The following STK32C variants were observed in gnomAD, a reference collection of about 807,000 sequenced individuals.
The protein encoded by STK32C is serine/threonine kinase 32C.
STK32C carries 31 observed loss-of-function variants against 56.5 expected under a neutral mutation model. That is an observed-to-expected ratio of 0.55 (90% CI 0.41 to 0.74). STK32C has a LOEUF of 0.74. Ranked by LOEUF, STK32C falls within the 30% of genes least tolerant of loss-of-function variation. The probability of loss-of-function intolerance (pLI) is 0.00; values close to 1 mark genes in which losing one functional copy is unlikely to be tolerated. For synonymous variants in STK32C, 309 were observed against 289.4 expected (o/e 1.07, Z -0.69); for missense variants, 544 against 676.9 (o/e 0.80, Z 2.18).
chr10:132,246,573 C>T (rs1221615597), intron 1 of STK32C, among the ~76,000 whole-genome samples: 2 of 152,190 alleles, frequency 1.3e-5, no homozygotes, highest in Non-Finnish European at 2.9e-5. Flanking sequence ...AGAGCCGTTC[C>T]GCAAGCCTGT....
Position 132,307,683 on chromosome 10 carries a change from C to T in STK32C, c.151G>A (p.Val51Ile), listed in dbSNP as rs1170585861. ...GQPRARDSGDVRSQPRPLFQW... is the reference protein window; with the variant it reads ...GQPRARDSGDIRSQPRPLFQW... The stretch of plus-strand genomic sequence containing the variant: ...AACAGGGGGCGCGGCTGCGAGCGGA[C>T]ATCGCCCGAGTCCCGGGCCCGGGGC... Residue 51 changes from valine to isoleucine, a missense_variant, in exon 1 of 12, where the codon GTC (valine) becomes ATC (isoleucine). Physicochemically the swap from Val to Ile is conservative, Grantham distance 29 (BLOSUM62 3). Transcript: ENST00000298630. This position sits in a 1 kb window ranked among gnomAD's most constrained non-coding sequence, Gnocchi z 4.4. The T allele has an allele frequency of 2.0e-6, 3 of 1,517,596 alleles. No homozygotes were observed. The highest frequency in any genetic ancestry group is 1.8e-6 in the Non-Finnish European group (2 of 1,133,268). 94.0% of individuals were successfully genotyped at this position (1,517,596 alleles called of 1,614,324 possible). A position where few individuals can be genotyped will look rare whatever the true frequency, so the allele number is the denominator to read the frequency against.
chr10:132,209,197 C>CA (rs1233607230), intron 10 of STK32C, 96 bp from the exon 11 acceptor site: 1 of 1,178,284 alleles, frequency 8.5e-7, no homozygotes, highest in African/African-American at 1.5e-5. Flanking sequence ...ATCGGGCCTC[C>CA]ACCTGTGGCT....
At chr10:132,232,111 C>T (rs1193755703) in intron 2 of STK32C, among the ~76,000 whole-genome samples, 1 of 152,246 alleles carries the variant, frequency 6.6e-6, no homozygotes, top group African/African-American at 2.4e-5. Flanking sequence ...CCTGCGCTCA[C>T]GCTGCGCCCT....
At chr10:132,263,258 C>T (rs532242157) in intron 1 of STK32C, among the ~76,000 whole-genome samples, 3 of 152,210 alleles carry the variant, frequency 2.0e-5, no homozygotes, top group South Asian at 2.1e-4. Flanking sequence ...ATCACACAAT[C>T]GTAAAAAAGA....
Position 132,292,798 on chromosome 10 carries a change from A to G in STK32C, c.262+14774T>C, listed in dbSNP as rs1278258450. Among the ~76,000 whole-genome samples the G allele has an allele frequency of 4.6e-5, 7 of 152,156 alleles. No individual in the cohort carries two copies. The East Asian group carries it at 5.8e-4, about 13-fold the overall frequency. ...TGACACCATCCCCTGGAGCTCTTCT[A>G]TAAGAAAGGTGTGAGGGAGGGCATC... On this transcript the variant is annotated intron_variant, in intron 1 of 11. Transcript: ENST00000298630.
intron 1 of STK32C, among the ~76,000 whole-genome samples, chr10:132,296,457 G>A (rs1451884945): frequency 2.0e-5 from 3 of 151,980 alleles, no homozygotes; most frequent in African/African-American, 7.3e-5. Flanking sequence ...CTGCTTCTGG[G>A]GAACAAGGGA....
At chr10:132,314,001 C>T (rs1027684092) in intron 1 of STK32C, among the ~76,000 whole-genome samples, 1 of 152,176 alleles carries the variant, frequency 6.6e-6, no homozygotes, top group African/African-American at 2.4e-5. Context: ...CTCTCTCCTG[C>T]CCATGTGAAG....
rs1260454760 is a variant in STK32C, at chr10:132,228,053, G to A, written c.394C>T (p.Arg132Cys). 7 of 1,613,962 alleles carry A rather than the reference G, an allele frequency of 4.3e-6. No homozygotes were observed. Among genetic ancestry groups the A allele is most frequent in the Admixed American group, 1.7e-5 (1 of 60,028 alleles). The part of the protein sequence containing the change: ...KYMNKQQCIE[R>C]DEVRNVFREL... ...CGGAAGACGTTGCGGACCTCGTCGC[G>A]CTCGATGCACTGCTGCTTGTTCATG... is the stretch of plus-strand genomic sequence containing the variant. The change falls in exon 3 of 12, where the codon CGC becomes TGC. Residue 132 changes from arginine to cysteine, a missense_variant. Transcript: ENST00000298630.
At chr10:132,279,587 C>A (rs901734769) in intron 1 of STK32C, among the ~76,000 whole-genome samples, 1 of 151,950 alleles carries the variant, frequency 6.6e-6, no homozygotes, top group African/African-American at 2.4e-5. Flanking sequence ...ATCATGCCCA[C>A]CCGCACTCCA....
chr10:132,260,979 G>A lies in STK32C; in HGVS notation c.263-15024C>T, dbSNP rs150175016. ...CCCTAGCCCACAGAGCTCTACCTCC[G>A]CTCAGTCCAGCCCCTGGGGCTGGGG... On this transcript the variant is annotated intron_variant, in intron 1 of 11. Transcript: ENST00000298630. 6.4e-4 allele frequency among the ~76,000 whole-genome samples: 97 copies of A among 152,316 alleles called. No homozygotes were observed. The East Asian group carries it at 0.014, about 22-fold the overall frequency.
At chr10:132,221,264 A>C (rs537401749) in intron 10 of STK32C, among the ~76,000 whole-genome samples, 160 of 119,882 alleles carry the variant, frequency 1.3e-3, no homozygotes, top group African/African-American at 4.8e-3. Flanking sequence ...GGCCATCCCC[A>C]CACACACAAC....
chr10:132,234,315 G>A lies in STK32C; in HGVS notation c.319-6187C>T, dbSNP rs114027405. On this transcript the variant is annotated intron_variant, in intron 2 of 11. Coordinates refer to ENST00000298630, the MANE Select transcript of STK32C (RefSeq NM_173575.4). ...CCCTTGTGTCCTCCTGACACTTCCC[G>A]ATGCATCCCCGAGTTCTGGGAGGCA... is the stretch of plus-strand genomic sequence containing the variant. Among the ~76,000 whole-genome samples, 672 of 152,276 alleles carry A rather than the reference G, an allele frequency of 4.4e-3. 3 individuals are homozygous for A. Among genetic ancestry groups the A allele is most frequent in the African/African-American group, 0.014 (597 of 41,560 alleles).
downstream of STK32C, among the ~76,000 whole-genome samples, chr10:132,321,008 G>A (rs1452765445): frequency 6.6e-6 from 1 of 152,178 alleles, no homozygotes; most frequent in Non-Finnish European, 1.5e-5. Context: ...ACCATCCTGG[G>A]ACTGGCTTGC....
chr10:132,228,494 A>G (rs559015224), intron 2 of STK32C, among the ~76,000 whole-genome samples: 128 of 152,286 alleles, frequency 8.4e-4, no homozygotes, highest in African/African-American at 2.8e-3. Flanking sequence ...CTGCAGCAGG[A>G]CACATCTGTC....
intron 1 of STK32C, among the ~76,000 whole-genome samples, chr10:132,327,326 TC>T (rs1477240425): frequency 6.6e-6 from 1 of 152,182 alleles, no homozygotes; most frequent in African/African-American, 2.4e-5. Context: ...TTGTGAGGCC[TC>T]CCCGGCCATG....
intron 1 of STK32C, among the ~76,000 whole-genome samples, chr10:132,258,945 G>A (rs1311848965): frequency 1.3e-5 from 2 of 152,242 alleles, no homozygotes; most frequent in African/African-American, 4.8e-5. Flanking sequence ...TCCTAGAAAT[G>A]CTAATGGCAA....
Position 132,307,937 on chromosome 10 carries a change from C to G in STK32C, c.-104G>C, listed in dbSNP as rs562188100. On this transcript the variant is annotated 5_prime_UTR_variant, in exon 1 of 12. Coordinates refer to ENST00000298630, the MANE Select transcript of STK32C (RefSeq NM_173575.4). This position sits in a 1 kb window ranked among gnomAD's most constrained non-coding sequence, Gnocchi z 4.4. ...GAGCGCTCGGGGCCGGCAGCGCCCG[C>G]CGTGCGCTCTTCTGGGCGGTGGAAC... is the stretch of plus-strand genomic sequence containing the variant. 4.5e-4 allele frequency: 482 copies of G among 1,068,232 alleles called. 3 individuals carry two copies. The South Asian group carries it at 7.5e-3, about 17-fold the overall frequency. 66.2% of individuals were successfully genotyped at this position (1,068,232 alleles called of 1,614,324 possible).
At chr10:132,235,512 A>AAAAAAAC in intron 2 of STK32C, among the ~76,000 whole-genome samples, 1 of 151,260 alleles carries the variant, frequency 6.6e-6, no homozygotes, top group Non-Finnish European at 1.5e-5. Flanking sequence ...AAAAAAAAAA[A>AAAAAAAC]AAGGAAAGAA....
chr10:132,303,926 C>T (rs2065982694), intron 1 of STK32C, among the ~76,000 whole-genome samples: 1 of 152,236 alleles, frequency 6.6e-6, no homozygotes, highest in Non-Finnish European at 1.5e-5. Context: ...ACTGCACTCG[C>T]TCCTGCCTCC....
Sources: gnomAD v4.1 joint callset for allele counts (sites outside exome capture counted in the v4.1 genomes callset) on GRCh38, gnomAD v4.1.1 for gene constraint, Gnocchi (gnomAD v3.1) non-coding constraint, MANE v1.5 for transcripts, NCBI Gene and HGNC (gene_info 2026-07-23, HGNC 2026-07-21) for gene names.